The following GYPC variants were observed in gnomAD, a reference collection of about 807,000 sequenced individuals.
The protein encoded by GYPC is glycophorin-C.
A neutral mutation model predicts 12.6 loss-of-function variants in GYPC; 14 were observed. The ratio of observed to expected loss-of-function variants is 1.11; its 90% confidence interval spans 0.74 to 1.74. The LOEUF is 1.74. Among genes scored for constraint, GYPC ranks in the 40% most tolerant of loss-of-function variants. The probability of loss-of-function intolerance (pLI) is 0.00; values close to 1 mark genes in which losing one functional copy is unlikely to be tolerated. For synonymous variants in GYPC, 78 were observed against 62.1 expected (o/e 1.26, Z -1.20); for missense variants, 225 against 172.1 (o/e 1.31, Z -1.72).
In GYPC at chr2:126,656,218, C is replaced by G. The variant is rs1164211597; in HGVS notation, c.-46C>G. The G allele has an allele frequency of 3.1e-5, 48 of 1,571,794 alleles. No individual in the cohort carries two copies. The highest frequency in any genetic ancestry group is 4.1e-5 in the African/African-American group (3 of 73,374). On this transcript the variant is annotated 5_prime_UTR_variant, in exon 1 of 4. Transcript: ENST00000259254. Reference sequence around the variant, plus strand: ...GACCCTCCCCCGGCCCGGCCTGGCCCGGCCTGGCCAGTCCCCGCGGTCTCT... The same window carrying G: ...GACCCTCCCCCGGCCCGGCCTGGCCGGGCCTGGCCAGTCCCCGCGGTCTCT...
chr2:126,679,037 A>G (rs1490483624), intron 1 of GYPC: 2 of 152,246 alleles, frequency 1.3e-5, no homozygotes, highest in Admixed American at 6.5e-5. Flanking sequence ...ATGCAGCCCA[A>G]TCGAGGACAT....
chr2:126,691,369 C>G (rs1234037421), intron 2 of GYPC, among the ~76,000 whole-genome samples: 1 of 152,108 alleles, frequency 6.6e-6, no homozygotes, highest in Non-Finnish European at 1.5e-5. Context: ...TCTGGAGTCC[C>G]AGCAGAAGTG....
chr2:126,656,295 C>G lies in GYPC; in HGVS notation c.32C>G (p.Ala11Gly), dbSNP rs778988798. The part of the protein sequence containing the change: MWSTRSPNST[A>G]WPLSLEPDPG... ...TCGACGAGAAGCCCCAACAGCACGG[C>G]GTGGCCTCTCAGCCTCGGTGAGTAC... The change falls in exon 1 of 4, where the codon GCG becomes GGG. Residue 11 changes from alanine (A) to glycine (G), a missense_variant. Physicochemically the swap from Ala to Gly is moderately conservative, Grantham distance 60. Coordinates refer to ENST00000259254, the MANE Select transcript of GYPC (RefSeq NM_002101.5). The G allele has an allele frequency of 1.3e-6, 2 of 1,598,318 alleles. No individual in the cohort carries two copies. The highest frequency in any genetic ancestry group is 1.7e-5 in the Admixed American group (1 of 58,816).
At chr2:126,692,128 A>G (rs529741196) in intron 2 of GYPC, among the ~76,000 whole-genome samples, 1 of 152,246 alleles carries the variant, frequency 6.6e-6, no homozygotes, top group East Asian at 1.9e-4. Context: ...TGAACTTGCT[A>G]CGGCCCTTGC....
At chr2:126,685,036 C>G (rs1050580416) in intron 1 of GYPC, among the ~76,000 whole-genome samples, 1 of 152,178 alleles carries the variant, frequency 6.6e-6, no homozygotes, top group African/African-American at 2.4e-5. Context: ...ATAAGCTATT[C>G]ATTTATTTCT....
chr2:126,683,013 C>T (rs1255951826), intron 1 of GYPC, among the ~76,000 whole-genome samples: 1 of 152,198 alleles, frequency 6.6e-6, no homozygotes. Flanking sequence ...CAGTCTATGC[C>T]ATGAGTAAAG....
chr2:126,695,771 T>C (rs895548930), intron 3 of GYPC, among the ~76,000 whole-genome samples, 175 bp from the exon 4 acceptor site: 10 of 152,212 alleles, frequency 6.6e-5, no homozygotes, highest in African/African-American at 2.4e-4. Flanking sequence ...TCATTTACAG[T>C]ATTTTTAACT....
chr2:126,667,650 G>T (rs376027693), intron 1 of GYPC, among the ~76,000 whole-genome samples: 2 of 148,480 alleles, frequency 1.3e-5, no homozygotes, highest in Non-Finnish European at 3.0e-5. Context: ...TGATCCGCCC[G>T]CCTTGGCCTC....
At chr2:126,674,471 G>T (rs1573564349) in intron 1 of GYPC, among the ~76,000 whole-genome samples, 2 of 152,022 alleles carry the variant, frequency 1.3e-5, no homozygotes, top group East Asian at 3.9e-4. Context: ...GGGAATACAG[G>T]CTCGGCAAGG....
rs530417321 is a variant in GYPC at position 126,677,552 on chromosome 2, T to C, written c.50-12703T>C. Among the ~76,000 whole-genome samples, 9 of 151,870 alleles carry C rather than the reference T, an allele frequency of 5.9e-5. No homozygotes were observed. The South Asian group carries it at 1.9e-3, about 32-fold the overall frequency. On this transcript the variant is annotated intron_variant, in intron 1 of 3. Transcript: ENST00000259254. ...GTGTGAGTCTGTGTGTATGTGAGTG[T>C]GTGTATGTGAGTGTATGTGTGTGAG...
chr2:126,671,888 A>G (rs966484520), intron 1 of GYPC, among the ~76,000 whole-genome samples: 7 of 152,184 alleles, frequency 4.6e-5, no homozygotes, highest in South Asian at 2.1e-4. Flanking sequence ...GTGCCATCTT[A>G]TAGGGTGGCC....
chr2:126,671,157 G>A (rs189466519), intron 1 of GYPC, among the ~76,000 whole-genome samples: 216 of 152,298 alleles, frequency 1.4e-3, no homozygotes, highest in Non-Finnish European at 2.5e-3. Context: ...ATCAGTTCCC[G>A]TTCCCTGACC....
chr2:126,681,685 C>A (rs1683152187), intron 1 of GYPC, among the ~76,000 whole-genome samples: 1 of 151,698 alleles, frequency 6.6e-6, no homozygotes, highest in Non-Finnish European at 1.5e-5. Flanking sequence ...ACTGTTGTGC[C>A]ACCGGGTTTT....
At chr2:126,684,481 A>T (rs1332103263) in intron 1 of GYPC, among the ~76,000 whole-genome samples, 1 of 152,040 alleles carries the variant, frequency 6.6e-6, no homozygotes, top group African/African-American at 2.4e-5. Context: ...TCCCACCACC[A>T]TGCCCACTAC....
intron 1 of GYPC, among the ~76,000 whole-genome samples, chr2:126,656,521 G>T (rs1006620185): frequency 5.3e-5 from 8 of 152,192 alleles, no homozygotes; most frequent in African/African-American, 1.9e-4. Context: ...CCCGCGTCCC[G>T]GACCCCTACG....
chr2:126,667,204 G>A (rs947709652), intron 1 of GYPC, among the ~76,000 whole-genome samples: 2 of 152,170 alleles, frequency 1.3e-5, no homozygotes, highest in Admixed American at 6.5e-5. Context: ...AATTCAGCAA[G>A]GCTGTTTTGC....
At chr2:126,668,125 T>A (rs1682737751) in intron 1 of GYPC, among the ~76,000 whole-genome samples, 1 of 152,138 alleles carries the variant, frequency 6.6e-6, no homozygotes, top group Admixed American at 6.5e-5. Context: ...TCACCTGGGA[T>A]CCCCACCCTA....
At chr2:126,662,205 G>T (rs1682552869) in intron 1 of GYPC, among the ~76,000 whole-genome samples, 1 of 152,188 alleles carries the variant, frequency 6.6e-6, no homozygotes, top group Admixed American at 6.5e-5. Context: ...TGGGTTGCCA[G>T]ATCAAAACCT....
chr2:126,684,865 A>G (rs746151835), intron 1 of GYPC, among the ~76,000 whole-genome samples: 1 of 152,116 alleles, frequency 6.6e-6, no homozygotes, highest in Non-Finnish European at 1.5e-5. Context: ...TTCATCACAT[A>G]GAGACTGTGG....
Sources: gnomAD v4.1 joint callset for allele counts (sites outside exome capture counted in the v4.1 genomes callset) on GRCh38, gnomAD v4.1.1 for gene constraint, MANE v1.5 for transcripts, NCBI Gene and HGNC (gene_info 2026-07-23, HGNC 2026-07-21) for gene names.